The following SHANK2 variants were observed in gnomAD, a reference collection of about 807,000 sequenced individuals.
SHANK2 encodes SH3 and multiple ankyrin repeat domains protein 2.
Under a neutral mutation model 133.7 loss-of-function variants are expected in SHANK2, and 43 were observed. The observed-to-expected ratio is 0.32, with a 90% CI of 0.25 to 0.41. The LOEUF (loss-of-function observed/expected upper bound fraction) is 0.41, where lower values mean the gene tolerates loss of function less well. Ranked by LOEUF, SHANK2 falls within the 10% of genes least tolerant of loss-of-function variation. The pLI is 1.00. For synonymous variants in SHANK2, 1,017 were observed against 952.8 expected, an observed-to-expected ratio of 1.07 and a Z score of -1.24; for missense variants, 1,994 against 2,235.8, an observed-to-expected ratio of 0.89 and a Z score of 2.18.
chr11:70,943,100 G>C, intron 10 of SHANK2: 1 of 456,690 alleles, frequency 2.2e-6, no homozygotes, highest in Non-Finnish European at 4.4e-6. Context: ...GGGTGGGAAG[G>C]AGTTCACCTG....
rs201899921 is a variant in SHANK2, at chr11:70,472,950, C to G, written c.5469G>C (p.Glu1823Asp). ...DGSHLPNLQK[E>D]DLIDLGVTRV... ...GAGTTACCCCAAGATCGATGAGGTC[C>G]TCCTTCTGCAGGTTTGGTAAGTGAC... Residue 1823 changes from glutamate (E) to aspartate (D), a missense_variant, in exon 26 of 26, where the codon GAG becomes GAC. By Grantham distance (45) the Glu-to-Asp change is conservative. This residue lies in a region of SHANK2 where 42 missense variants were observed against 79.9 expected (regional missense o/e 0.53). Coordinates refer to ENST00000601538, the MANE Select transcript of SHANK2 (RefSeq NM_012309.5). This position sits in a 1 kb window ranked among gnomAD's most constrained non-coding sequence, Gnocchi z 4.4. The G allele has an allele frequency of 4.0e-5, 64 of 1,614,144 alleles. No homozygotes were observed. The highest frequency in any genetic ancestry group is 9.3e-6 in the Non-Finnish European group (11 of 1,180,054).
intron 2 of SHANK2, among the ~76,000 whole-genome samples, chr11:71,152,335 A>G (rs1335323780): frequency 1.3e-5 from 2 of 152,150 alleles, no homozygotes; most frequent in African/African-American, 2.4e-5. Flanking sequence ...GCTGGTCTCA[A>G]ACTCCTGACC....
At chr11:71,181,329 T>A (rs1214598691) in intron 2 of SHANK2, among the ~76,000 whole-genome samples, 1 of 152,116 alleles carries the variant, frequency 6.6e-6, no homozygotes, top group African/African-American at 2.4e-5. Context: ...AAGTGGCACA[T>A]GGCCTTTAAG....
At chr11:70,697,873 C>A (rs188914682) in intron 15 of SHANK2, among the ~76,000 whole-genome samples, 6 of 152,294 alleles carry the variant, frequency 3.9e-5, no homozygotes, top group Non-Finnish European at 8.8e-5. Context: ...ATCCCCGGGG[C>A]CTGCACCTGC....
chr11:70,945,188 C>T (rs1590860303), intron 10 of SHANK2, among the ~76,000 whole-genome samples: 1 of 152,144 alleles, frequency 6.6e-6, no homozygotes, highest in South Asian at 2.1e-4. Flanking sequence ...GAAGGACTTC[C>T]CTCGGGGTGC....
chr11:70,897,941 T>C (rs187987074), intron 10 of SHANK2, among the ~76,000 whole-genome samples: 167 of 149,284 alleles, frequency 1.1e-3, no homozygotes, highest in African/African-American at 3.8e-3. Context: ...AATATACATA[T>C]ACACACACAC....
chr11:70,527,267 C>A (rs1247023296), intron 17 of SHANK2, among the ~76,000 whole-genome samples: 1 of 152,194 alleles, frequency 6.6e-6, no homozygotes, highest in Non-Finnish European at 1.5e-5. Context: ...TTAAAGCCTC[C>A]TGGGGAGGGT....
chr11:70,517,568 G>A (rs2059280831), intron 17 of SHANK2, among the ~76,000 whole-genome samples: 1 of 152,178 alleles, frequency 6.6e-6, no homozygotes, highest in Non-Finnish European at 1.5e-5. Flanking sequence ...AAGGCCTGCA[G>A]GAAGCTTACA....
chr11:70,597,449 T>A (rs1340342408), intron 17 of SHANK2, among the ~76,000 whole-genome samples: 1 of 152,000 alleles, frequency 6.6e-6, no homozygotes, highest in Non-Finnish European at 1.5e-5. Flanking sequence ...CCAGTGGAGC[T>A]GGCGGCGGTA....
chr11:70,472,898 T>A lies in SHANK2; in HGVS notation c.5521A>T (p.Arg1841Trp). 1.2e-6 allele frequency: 2 copies of A among 1,614,244 alleles called. No individual in the cohort carries two copies. The highest frequency in any genetic ancestry group is 1.7e-6 in the Non-Finnish European group (2 of 1,180,052). ...CTGTCCAGCAGCTGTTTCAAAGCCC[T>A]TTCTATGTTCATTCTGTGCCCGACT... ...TRVGHRMNIERALKQLLDR is the reference protein window; with the variant it reads ...TRVGHRMNIEWALKQLLDR The change falls in exon 26 of 26, where the codon AGG becomes TGG. Residue 1841 changes from arginine (R) to tryptophan (W), a missense_variant. Arg to Trp is a moderately radical substitution (Grantham distance 101). This residue lies in a region of SHANK2 where 42 missense variants were observed against 79.9 expected (regional missense o/e 0.53). Transcript: ENST00000601538. The surrounding 1 kb of genome is among the most constrained non-coding windows in gnomAD (Gnocchi z 4.4).
intron 17 of SHANK2, among the ~76,000 whole-genome samples, chr11:70,615,712 G>A (rs1021183146): frequency 5.3e-5 from 8 of 152,170 alleles, no homozygotes; most frequent in South Asian, 2.1e-4. Flanking sequence ...AAGGTGGTAA[G>A]CGGCGCGTGG....
intron 1 of SHANK2, among the ~76,000 whole-genome samples, chr11:71,248,009 C>T (rs1384795532): frequency 6.6e-6 from 1 of 152,214 alleles, no homozygotes; most frequent in African/African-American, 2.4e-5. Flanking sequence ...GAGCGAGCTG[C>T]GTTTCAGCCA....
chr11:70,674,198 G>A lies in SHANK2; in HGVS notation c.1854-12520C>T, dbSNP rs113436878. On this transcript the variant is annotated intron_variant, in intron 15 of 25. Transcript: ENST00000601538. ...AAGCTTCCTGAAGCTCTCACCAGAA[G>A]CAGATGCTGGCACCATGCTTCCTGG... 2.3e-3 allele frequency among the ~76,000 whole-genome samples: 357 copies of A among 152,306 alleles called. 2 individuals are homozygous for A. The highest frequency in any genetic ancestry group is 8.3e-3 in the African/African-American group (343 of 41,564).
intron 17 of SHANK2, among the ~76,000 whole-genome samples, chr11:70,522,322 G>A (rs1554971170): frequency 6.6e-6 from 1 of 152,206 alleles, no homozygotes; most frequent in Non-Finnish European, 1.5e-5. Context: ...GATTGGCAGT[G>A]TCCCTCTTTT....
chr11:71,208,431 C>G (rs1219912515), intron 2 of SHANK2, among the ~76,000 whole-genome samples: 1 of 152,144 alleles, frequency 6.6e-6, no homozygotes, highest in African/African-American at 2.4e-5. Flanking sequence ...CCCATAAACC[C>G]TAGCCCGATG....
intron 2 of SHANK2, among the ~76,000 whole-genome samples, chr11:71,221,672 T>C (rs1278412637): frequency 6.6e-6 from 1 of 152,202 alleles, no homozygotes; most frequent in Non-Finnish European, 1.5e-5. Context: ...TACTCCTAAG[T>C]GGAACCCTTC....
At position 70,804,529 on chromosome 11, in the gene SHANK2, G is replaced by T. The variant is rs1393230700; in HGVS notation, c.1663+2473C>A. On this transcript the variant is annotated intron_variant, in intron 13 of 25. Transcript: ENST00000601538. This position sits in a 1 kb window ranked among gnomAD's most constrained non-coding sequence, Gnocchi z 4.1. ...GGGAGAAAGGCCCAGCTCCCCGCAC[G>T]CCCCACGCTCCTGCGAGGGGCGGGT... Among the ~76,000 whole-genome samples, 1 of 152,102 alleles carries T rather than the reference G, an allele frequency of 6.6e-6. No individual in the cohort carries two copies. The highest frequency in any genetic ancestry group is 1.5e-5 in the Non-Finnish European group (1 of 68,014).
chr11:70,551,484 T>C (rs1288275210), intron 17 of SHANK2, among the ~76,000 whole-genome samples: 3 of 152,228 alleles, frequency 2.0e-5, no homozygotes, highest in African/African-American at 7.2e-5. Flanking sequence ...TGGGCTCTGA[T>C]GGCGACCGCA....
At chr11:70,791,485 C>T (rs1236093011) in intron 14 of SHANK2, among the ~76,000 whole-genome samples, 1 of 152,238 alleles carries the variant, frequency 6.6e-6, no homozygotes, top group East Asian at 1.9e-4. Flanking sequence ...TAAATCTGGG[C>T]ATGCCTCTGT....
Sources: allele counts gnomAD v4.1 joint callset (sites outside exome capture counted in the v4.1 genomes callset), GRCh38; gene constraint gnomAD v4.1.1; regional missense constraint gnomAD v4.1.1; non-coding constraint Gnocchi (gnomAD v3.1); transcripts MANE v1.5; gene names NCBI Gene and HGNC (gene_info 2026-07-23, HGNC 2026-07-21).